Variants in RTL9 observed in about 807,000 individuals in gnomAD.
The protein encoded by RTL9 is retrotransposon Gag-like protein 9.
Under a neutral mutation model 44.7 loss-of-function variants are expected in RTL9, and 19 were observed. The ratio of observed to expected loss-of-function variants is 0.42; its 90% CI spans 0.30 to 0.62. The LOEUF (loss-of-function observed/expected upper bound fraction) is 0.62. Among genes scored for constraint, RTL9 ranks in the 20% least tolerant of loss-of-function variants. RTL9 has a pLI of 0.16. For synonymous variants in RTL9, 407 were observed against 398.9 expected (o/e 1.02, Z -0.24); for missense variants, 1,105 against 1,080.6 (o/e 1.02, Z -0.32).
chrX:110,370,200 A>T (rs937295487), intron 1 of RTL9, among the ~76,000 whole-genome samples: 6 of 111,177 alleles, frequency 5.4e-5, no homozygotes, highest in African/African-American at 2.0e-4. Context: ...TAAAATTTTT[A>T]AATTTTTATT....
At chrX:110,453,965 A>G (rs1244632068) in exon 1 of RTL9, 8 of 1,210,261 alleles carry the variant, frequency 6.6e-6, no homozygotes, top group Non-Finnish European at 8.9e-6. Flanking sequence ...CAGCCTCTGG[A>G]TCAAAGCCCA....
At chrX:110,408,898 A>G (rs1488819499) in intron 1 of RTL9, among the ~76,000 whole-genome samples, 2 of 112,003 alleles carry the variant, frequency 1.8e-5, no homozygotes, top group East Asian at 5.5e-4. Context: ...TTTTGAACTT[A>G]TGCGTGTAGG....
intron 1 of RTL9, among the ~76,000 whole-genome samples, chrX:110,426,238 C>G (rs1039219534): frequency 3.6e-5 from 4 of 112,255 alleles, no homozygotes; most frequent in East Asian, 2.8e-4. Context: ...ATAGTTACTA[C>G]CAGAATGGAG....
At chrX:110,417,246 G>C (rs958688036), upstream of RTL9, among the ~76,000 whole-genome samples, 6 of 112,049 alleles carry the variant, frequency 5.4e-5, no homozygotes, top group Admixed American at 1.9e-4. Context: ...TTGGAGGGAG[G>C]GGGAGTGAAG....
At chrX:110,443,876 T>C (rs762096219) in intron 1 of RTL9, among the ~76,000 whole-genome samples, 2 of 112,407 alleles carry the variant, frequency 1.8e-5, no homozygotes, top group Admixed American at 9.4e-5. Context: ...AGGCTGATCA[T>C]AGAGGTTCTT....
chrX:110,439,032 T>A (rs757720717), intron 1 of RTL9, among the ~76,000 whole-genome samples: 1 of 111,991 alleles, frequency 8.9e-6, no homozygotes, highest in Non-Finnish European at 1.9e-5. Context: ...AAACAAGTTA[T>A]GTACCCCTAA....
At chrX:110,409,517 C>G (rs996289995) in intron 1 of RTL9, among the ~76,000 whole-genome samples, 1 of 111,683 alleles carries the variant, frequency 9.0e-6, no homozygotes, top group African/African-American at 3.3e-5. Flanking sequence ...AGAGAGGATA[C>G]CAGGGAAAAT....
intron 1 of RTL9, 144 bp downstream of exon 3, chrX:110,454,808 T>A: frequency 1.9e-6 from 1 of 521,191 alleles, no homozygotes; most frequent in Non-Finnish European, 3.1e-6. Flanking sequence ...CCCAGCAGTT[T>A]CATCAAGTGA....
At chrX:110,427,064 T>C (rs1241121285) in intron 1 of RTL9, among the ~76,000 whole-genome samples, 1 of 112,191 alleles carries the variant, frequency 8.9e-6, no homozygotes, top group African/African-American at 3.2e-5. Context: ...CCCTGCCAAG[T>C]ATATTTCCTA....
At chrX:110,365,244 C>T (rs189776487) in intron 1 of RTL9, among the ~76,000 whole-genome samples, 22 of 111,742 alleles carry the variant, frequency 2.0e-4, no homozygotes, top group African/African-American at 7.2e-4. Context: ...GTTAGTATAT[C>T]TGAAGATAGG....
intron 1 of RTL9, among the ~76,000 whole-genome samples, chrX:110,365,451 C>G (rs2068291039): frequency 8.9e-6 from 1 of 112,186 alleles, no homozygotes; most frequent in Admixed American, 9.5e-5. Flanking sequence ...TGCTTTAGTT[C>G]ATGTGACAAT....
At chrX:110,392,008 A>G (rs944554344) in intron 1 of RTL9, among the ~76,000 whole-genome samples, 6 of 112,375 alleles carry the variant, frequency 5.3e-5, no homozygotes, top group African/African-American at 1.9e-4. Context: ...GACCAATAAT[A>G]TTGAATTAAG....
In RTL9 at chrX:110,453,982, A is replaced by C. The variant is rs1026159044; in HGVS notation, c.3365A>C (p.His1122Pro). The C allele has an allele frequency of 4.1e-6, 5 of 1,210,287 alleles. No homozygotes were observed. The Admixed American group carries it at 1.1e-4, about 26-fold the overall frequency. ...GCCTCTGGATCAAAGCCCACATCGCACATGACTGCCACAACTCCTGAAACT... is the reference window on the plus strand; with the variant it reads ...GCCTCTGGATCAAAGCCCACATCGCCCATGACTGCCACAACTCCTGAAACT... Residue 1122 changes from histidine (H) to proline (P), a missense_variant, in exon 1 of 2, where the codon CAC becomes CCC. Coordinates refer to ENST00000540313, the Ensembl canonical transcript of RTL9.
At chrX:110,418,774 A>C (rs1169563708), upstream of RTL9, among the ~76,000 whole-genome samples, 3 of 111,244 alleles carry the variant, frequency 2.7e-5, no homozygotes, top group Non-Finnish European at 5.7e-5. Flanking sequence ...ACTTATTCTC[A>C]TTTCCTGGCA....
intron 1 of RTL9, among the ~76,000 whole-genome samples, chrX:110,409,334 A>C (rs781279816): frequency 1.2e-4 from 13 of 111,325 alleles, no homozygotes; most frequent in Non-Finnish European, 2.3e-4. Context: ...TCTTATCTTG[A>C]GACATGCTGG....
intron 1 of RTL9, among the ~76,000 whole-genome samples, chrX:110,405,056 T>G (rs1337748311): frequency 9.5e-6 from 1 of 105,497 alleles, no homozygotes; most frequent in Non-Finnish European, 1.9e-5. Flanking sequence ...GTCAGTTAAA[T>G]TCGAAAAATA....
At chrX:110,441,065 C>G (rs2068876553) in intron 1 of RTL9, among the ~76,000 whole-genome samples, 1 of 111,728 alleles carries the variant, frequency 9.0e-6, no homozygotes, top group Non-Finnish European at 1.9e-5. Context: ...TTGGACTGGC[C>G]CTGGGGTTTA....
chrX:110,367,995 A>G (rs1217683835), intron 1 of RTL9, among the ~76,000 whole-genome samples: 8 of 102,045 alleles, frequency 7.8e-5, no homozygotes, highest in African/African-American at 2.8e-4. Flanking sequence ...TATTATTATT[A>G]TTATTATTAT....
chrX:110,434,458 C>T (rs1000749741), intron 1 of RTL9, among the ~76,000 whole-genome samples: 1 of 111,475 alleles, frequency 9.0e-6, no homozygotes, highest in African/African-American at 3.3e-5. Context: ...CTCTGAACCA[C>T]GACCGTGGCA....
Sources: allele counts gnomAD v4.1 joint callset (sites outside exome capture counted in the v4.1 genomes callset), GRCh38; gene constraint gnomAD v4.1.1; transcripts MANE v1.5; gene names NCBI Gene and HGNC (gene_info 2026-07-23, HGNC 2026-07-21).